Variants in SYT2 observed in about 807,000 individuals in gnomAD.
The protein encoded by SYT2 is synaptotagmin 2.
A neutral mutation model predicts 39.9 loss-of-function variants in SYT2; 15 were observed. The ratio of observed to expected loss-of-function variants is 0.38; its 90% CI spans 0.25 to 0.58. SYT2 has a LOEUF of 0.58. SYT2 is among the 20% of genes least tolerant of loss of function. The probability of loss-of-function intolerance (pLI) is 0.70; values close to 1 mark genes in which losing one functional copy is unlikely to be tolerated. For synonymous variants in SYT2, 181 were observed against 204.5 expected (o/e 0.89, Z 0.98); for missense variants, 389 against 530.3 (o/e 0.73, Z 2.62).
chr1:202,658,692 A>G (rs750727059), intron 1 of SYT2, among the ~76,000 whole-genome samples: 8 of 151,010 alleles, frequency 5.3e-5, no homozygotes, highest in Admixed American at 2.0e-4. Flanking sequence ...TTTTTTTCCT[A>G]AAAGTCCTCA....
rs1469037421 is a variant in SYT2 at position 202,594,269 on chromosome 1, A to G, written c.*2488T>C. 1 of 152,036 alleles carries G rather than the reference A, an allele frequency of 6.6e-6. No individual in the cohort carries two copies. The highest frequency in any genetic ancestry group is 2.4e-5 in the African/African-American group (1 of 41,348). The allele number at this position is 152,036 out of a possible 1,614,324, so 9.4% of individuals were successfully genotyped here. On this transcript the variant is annotated 3_prime_UTR_variant, in exon 9 of 9. Coordinates refer to ENST00000367268, the MANE Select transcript of SYT2 (RefSeq NM_177402.5). ...AGCCCTGGTCACCAGGCACATAGAC[A>G]CCCAGACCACCAGAGGTTCCTACCA...
At chr1:202,707,500 A>T (rs1276792594) in intron 1 of SYT2, among the ~76,000 whole-genome samples, 1 of 152,108 alleles carries the variant, frequency 6.6e-6, no homozygotes, top group Non-Finnish European at 1.5e-5. Flanking sequence ...TAGACTGGGG[A>T]AGTCCACAGA....
chr1:202,643,388 G>A (rs1691987380), intron 1 of SYT2: 1 of 152,870 alleles, frequency 6.5e-6, no homozygotes, highest in Non-Finnish European at 1.5e-5. Flanking sequence ...CCACTTCCCC[G>A]CCGGCCCTGC....
intron 1 of SYT2, among the ~76,000 whole-genome samples, chr1:202,640,346 C>T (rs1297361285): frequency 6.6e-6 from 1 of 150,392 alleles, no homozygotes; most frequent in Non-Finnish European, 1.5e-5. Flanking sequence ...GCTTTCACTT[C>T]ACGTATGAGA....
In SYT2 at chr1:202,599,217, C is replaced by G; in HGVS notation, c.1053+1G>C. 1 of 1,613,378 alleles carries G rather than the reference C, an allele frequency of 6.2e-7. No homozygotes were observed. The highest frequency in any genetic ancestry group is 8.5e-7 in the Non-Finnish European group (1 of 1,179,692). On this transcript the variant is annotated splice_donor_variant, in intron 8 of 8. Coordinates refer to ENST00000367268, the MANE Select transcript of SYT2 (RefSeq NM_177402.5). LOFTEE classifies it high-confidence loss of function. This position sits in a 1 kb window ranked among gnomAD's most constrained non-coding sequence, Gnocchi z 4.4. ...TGCCTAGGAACCCAGGGCTCCAGCA[C>G]CTGAATCTGCTCGAAGGGGATCTCA...
At position 202,666,085 on chromosome 1, in the gene SYT2, G is replaced by A. The variant is rs149745014; in HGVS notation, c.-18+44173C>T. Among the ~76,000 whole-genome samples, 1,251 of 151,656 alleles carry A rather than the reference G, an allele frequency of 8.2e-3. 15 individuals are homozygous for A. The highest frequency in any genetic ancestry group is 0.029 in the African/African-American group (1,197 of 41,274). ...GGAGAATGGCGTGAACCAGGGAGGC[G>A]GAGCTTGCAGTGAGCCGAGATCGTG... is the stretch of plus-strand genomic sequence containing the variant. On this transcript the variant is annotated intron_variant, in intron 1 of 8. Transcript: ENST00000367268.
rs1041361525 is a variant in SYT2, at chr1:202,593,661, A to G, written c.*3096T>C. The G allele has an allele frequency of 6.6e-6, 1 of 152,056 alleles. No individual in the cohort carries two copies. Among genetic ancestry groups the G allele is most frequent in the African/African-American group, 2.4e-5 (1 of 41,374 alleles). The allele number at this position is 152,056 out of a possible 1,614,324, so 9.4% of individuals were successfully genotyped here. On this transcript the variant is annotated 3_prime_UTR_variant, in exon 9 of 9. Transcript: ENST00000367268. The stretch of plus-strand genomic sequence containing the variant: ...CCCCAGGCCTCAGCTTCCACTTCCA[A>G]AGCCCAAAAATCTGCCTGTAGCTCT...
At chr1:202,650,545 C>T (rs572485158) in intron 1 of SYT2, among the ~76,000 whole-genome samples, 11 of 151,654 alleles carry the variant, frequency 7.3e-5, no homozygotes, top group African/African-American at 2.4e-4. Context: ...AAGCTATTCT[C>T]CTGCCTCAGC....
At chr1:202,647,855 G>C (rs969435827) in intron 1 of SYT2, among the ~76,000 whole-genome samples, 3 of 151,764 alleles carry the variant, frequency 2.0e-5, no homozygotes, top group Admixed American at 6.6e-5. Flanking sequence ...AAATCACTGA[G>C]CCATGGGAGC....
chr1:202,707,583 G>A (rs1654284975), intron 1 of SYT2, among the ~76,000 whole-genome samples: 1 of 152,286 alleles, frequency 6.6e-6, no homozygotes, highest in African/African-American at 2.4e-5. Flanking sequence ...GGATGCTTCT[G>A]TCCAGGGAAG....
chr1:202,708,307 G>C (rs888326406), intron 1 of SYT2, among the ~76,000 whole-genome samples: 1 of 152,202 alleles, frequency 6.6e-6, no homozygotes, highest in Admixed American at 6.5e-5. Flanking sequence ...CCAGCAGAGT[G>C]GTCTGGTCTC....
At chr1:202,610,419 G>A (rs1690854590) in intron 1 of SYT2, among the ~76,000 whole-genome samples, 1 of 152,170 alleles carries the variant, frequency 6.6e-6, no homozygotes, top group African/African-American at 2.4e-5. Context: ...GCACAAGACA[G>A]GGATGCCCCC....
intron 1 of SYT2, among the ~76,000 whole-genome samples, chr1:202,612,675 T>C (rs1270760463): frequency 2.0e-5 from 3 of 152,222 alleles, no homozygotes; most frequent in East Asian, 1.9e-4. Context: ...CCTGTTCTTC[T>C]TTAATCAGGA....
intron 1 of SYT2, among the ~76,000 whole-genome samples, chr1:202,651,346 G>C (rs1692191011): frequency 6.6e-6 from 1 of 150,384 alleles, no homozygotes; most frequent in Non-Finnish European, 1.5e-5. Flanking sequence ...GTCACCAAGA[G>C]AGGACGCACA....
rs1244598921 is a variant in SYT2, at chr1:202,601,763, T to G, written c.801+127A>C. The G allele has an allele frequency of 5.1e-6, 5 of 987,460 alleles. No individual in the cohort carries two copies. In the South Asian group the frequency reaches 6.3e-5, roughly 12 times the overall value. 61.2% of individuals were successfully genotyped at this position (987,460 alleles called of 1,614,324 possible). A position where few individuals can be genotyped will look rare whatever the true frequency, so the allele number is the denominator to read the frequency against. On this transcript the variant is annotated intron_variant, in intron 6 of 8. Transcript: ENST00000367268. The surrounding 1 kb of genome is among the most constrained non-coding windows in gnomAD (Gnocchi z 4.0). ...TGCCCAGGGTCACACAGCCAGGCAG[T>G]GTGGAGCTGGGATCCTAACACAGGT...
rs978823806 is a variant in SYT2, at chr1:202,705,984, C to T, written c.-18+4274G>A. On this transcript the variant is annotated intron_variant, in intron 1 of 8. Coordinates refer to ENST00000367268, the MANE Select transcript of SYT2 (RefSeq NM_177402.5). ...CTGGGATTACAGGTGTGAGCCACTG[C>T]ACCTGGCCTGGGGAGTCCTTCTGGA... Among the ~76,000 whole-genome samples, 14 of 152,234 alleles carry T rather than the reference C, an allele frequency of 9.2e-5. No homozygotes were observed. In the South Asian group the frequency reaches 1.0e-3, roughly 11 times the overall value.
At chr1:202,619,084 C>T (rs1015216261) in intron 1 of SYT2, among the ~76,000 whole-genome samples, 13 of 152,176 alleles carry the variant, frequency 8.5e-5, no homozygotes, top group African/African-American at 2.9e-4. Flanking sequence ...AGGACTATTT[C>T]CCCCACTCTA....
At chr1:202,632,894 CG>C (rs984453150) in intron 1 of SYT2, 108 of 152,284 alleles carry the variant, frequency 7.1e-4, no homozygotes, top group African/African-American at 2.5e-3. Flanking sequence ...AAACTAGAGA[CG>C]CTACAAATTC....
chr1:202,644,456 C>T (rs1018436178), intron 1 of SYT2, among the ~76,000 whole-genome samples: 4 of 152,164 alleles, frequency 2.6e-5, no homozygotes, highest in African/African-American at 9.7e-5. Flanking sequence ...GCCTCACCCT[C>T]AACCCCCAAC....
Sources: gnomAD v4.1 joint callset for allele counts (sites outside exome capture counted in the v4.1 genomes callset) on GRCh38, gnomAD v4.1.1 for gene constraint, Gnocchi (gnomAD v3.1) non-coding constraint, MANE v1.5 for transcripts, NCBI Gene and HGNC (gene_info 2026-07-23, HGNC 2026-07-21) for gene names.